KDM4B: variants seen among roughly 807,000 people sequenced by gnomAD.
KDM4B encodes lysine demethylase 4B, also known as lysine-specific demethylase 4B.
A neutral mutation model predicts 125.2 loss-of-function variants in KDM4B; 32 were observed. That is an observed-to-expected ratio of 0.26 (90% CI 0.19 to 0.34). KDM4B has a LOEUF of 0.34. KDM4B is among the 10% of genes least tolerant of loss of function. KDM4B has a pLI of 1.00. For missense variants in KDM4B, 1,190 were observed against 1,577.7 expected, an observed-to-expected ratio of 0.75 and a Z score of 4.16; for synonymous variants, 721 against 677.9, an observed-to-expected ratio of 1.06 and a Z score of -0.99.
intron 20 of KDM4B, 131 bp from the exon 21 acceptor site, chr19:5,144,652 G>T: frequency 7.4e-7 from 1 of 1,344,254 alleles, no homozygotes; most frequent in Non-Finnish European, 1.0e-6. Context: ...CCGCTACCCC[G>T]GGCCCCCGCA....
At chr19:5,033,178 C>G (rs1021524287) in intron 3 of KDM4B, 147 bp downstream of exon 3, 18 of 959,070 alleles carry the variant, frequency 1.9e-5, no homozygotes, top group Non-Finnish European at 2.6e-5. Context: ...CGTTTACCAG[C>G]GCCTGTTTGT....
At chr19:4,992,845 A>G (rs975948751) in intron 1 of KDM4B, among the ~76,000 whole-genome samples, 2 of 152,140 alleles carry the variant, frequency 1.3e-5, no homozygotes, top group African/African-American at 4.8e-5. Flanking sequence ...ATTATTTAGG[A>G]GTATGTTGGT....
chr19:5,004,866 C>A (rs933257797), intron 1 of KDM4B, among the ~76,000 whole-genome samples: 3 of 152,132 alleles, frequency 2.0e-5, no homozygotes, highest in Non-Finnish European at 4.4e-5. Context: ...ACCCCAGAGA[C>A]ATGCAAATAT....
chr19:5,037,512 C>T (rs2145645984), intron 3 of KDM4B, among the ~76,000 whole-genome samples: 1 of 152,346 alleles, frequency 6.6e-6, no homozygotes, highest in Middle Eastern at 3.4e-3. Context: ...ACAGGTGCCC[C>T]AGGCGCCTTT....
intron 9 of KDM4B, among the ~76,000 whole-genome samples, chr19:5,091,498 C>T (rs1340226083): frequency 6.6e-6 from 1 of 152,140 alleles, no homozygotes; most frequent in East Asian, 1.9e-4. Flanking sequence ...AAACGGCCCA[C>T]TCGGCACCAC....
chr19:5,146,125 G>A lies in KDM4B; in HGVS notation c.3021+1223G>A, dbSNP rs561716817. Among the ~76,000 whole-genome samples the A allele has an allele frequency of 4.0e-5, 5 of 125,476 alleles. No homozygotes were observed. The South Asian group carries it at 8.6e-4, about 22-fold the overall frequency. 82.3% of individuals were successfully genotyped at this position (125,476 alleles called of 152,430 possible). On this transcript the variant is annotated intron_variant, in intron 21 of 22. Coordinates refer to ENST00000159111, the MANE Select transcript of KDM4B (RefSeq NM_015015.3). Reference sequence around the variant, plus strand: ...ACCCCCACCCCCGGCCGTGCAGGCCGACCCCGCCCAGTCACCACTCTCAAC... The same window carrying A: ...ACCCCCACCCCCGGCCGTGCAGGCCAACCCCGCCCAGTCACCACTCTCAAC...
chr19:5,058,122 C>T (rs189999260), intron 6 of KDM4B, among the ~76,000 whole-genome samples: 1 of 152,358 alleles, frequency 6.6e-6, no homozygotes, highest in African/African-American at 2.4e-5. Flanking sequence ...ACCACATGTC[C>T]AGCTGGGAAG....
intron 6 of KDM4B, among the ~76,000 whole-genome samples, chr19:5,055,899 A>G (rs867193335): frequency 6.6e-6 from 1 of 152,110 alleles, no homozygotes; most frequent in Non-Finnish European, 1.5e-5. Flanking sequence ...TTCTATATCA[A>G]TGTGGTACAC....
intron 9 of KDM4B, among the ~76,000 whole-genome samples, chr19:5,103,830 C>T (rs1267762878): frequency 6.6e-6 from 1 of 152,258 alleles, no homozygotes; most frequent in Admixed American, 6.5e-5. Context: ...GCTCGCTCCA[C>T]ACCCTGTTCA....
chr19:5,131,337 T>TC lies in KDM4B; in HGVS notation c.1581dup (p.Met528HisfsTer25). ...CTAGAGGCCAAGCCTCGGCCCATCA[T>TC]CCCCATGCTGTACGTGGTGCCGCGG... is the stretch of plus-strand genomic sequence containing the variant. On this transcript the variant is annotated frameshift_variant, in exon 12 of 23. Coordinates refer to ENST00000159111, the MANE Select transcript of KDM4B (RefSeq NM_015015.3). LOFTEE classifies it high-confidence loss of function. 6.2e-7 allele frequency: 1 copy of TC among 1,611,778 alleles called. No homozygotes were observed. The highest frequency in any genetic ancestry group is 8.5e-7 in the Non-Finnish European group (1 of 1,179,742).
At chr19:5,116,535 C>T (rs1476348616) in intron 10 of KDM4B, among the ~76,000 whole-genome samples, 1 of 152,256 alleles carries the variant, frequency 6.6e-6, no homozygotes, top group African/African-American at 2.4e-5. Context: ...GTTGAGGAAA[C>T]AAGATCTAAC....
intron 4 of KDM4B, among the ~76,000 whole-genome samples, chr19:5,040,425 A>G (rs1426188217): frequency 1.3e-5 from 2 of 152,084 alleles, no homozygotes; most frequent in African/African-American, 4.8e-5. Context: ...ATGGGTACAC[A>G]GGGCACACGC....
At chr19:5,099,090 G>A (rs540235538) in intron 9 of KDM4B, among the ~76,000 whole-genome samples, 1 of 152,194 alleles carries the variant, frequency 6.6e-6, no homozygotes, top group Non-Finnish European at 1.5e-5. Context: ...ACAACCTCCG[G>A]TTCCAGTAGT....
intron 9 of KDM4B, among the ~76,000 whole-genome samples, chr19:5,092,949 C>G (rs1460797070): frequency 6.6e-6 from 1 of 152,220 alleles, no homozygotes; most frequent in African/African-American, 2.4e-5. Flanking sequence ...GTACCCCTGA[C>G]CACATGTCCT....
chr19:5,058,946 T>C (rs1303587753), intron 6 of KDM4B, among the ~76,000 whole-genome samples: 2 of 152,228 alleles, frequency 1.3e-5, no homozygotes, highest in African/African-American at 4.8e-5. Context: ...ATGTCATCAC[T>C]GGGCGTGAAT....
intron 3 of KDM4B, among the ~76,000 whole-genome samples, chr19:5,036,666 A>G (rs964570714): frequency 1.3e-5 from 2 of 152,200 alleles, no homozygotes; most frequent in Non-Finnish European, 2.9e-5. Context: ...CTGGCCCCCC[A>G]GGAGCCCCGT....
intron 16 of KDM4B, 50 bp downstream of exon 16, chr19:5,137,388 G>C: frequency 6.6e-7 from 1 of 1,503,928 alleles, no homozygotes; most frequent in Non-Finnish European, 9.0e-7. Context: ...CCTGGGCCCC[G>C]GCCCCACTCC....
intron 11 of KDM4B, among the ~76,000 whole-genome samples, 156 bp from the exon 12 acceptor site, chr19:5,130,920 G>T (rs575750469): frequency 6.6e-6 from 1 of 152,252 alleles, no homozygotes; most frequent in African/African-American, 2.4e-5. Flanking sequence ...GAGGTGGCCC[G>T]AAGCCTGTGT....
chr19:5,119,310 G>T, intron 10 of KDM4B: 1 of 930,130 alleles, frequency 1.1e-6, no homozygotes, highest in South Asian at 1.5e-5. Context: ...TCTCTGTCCC[G>T]TGGCACACGC....
Sources: allele counts gnomAD v4.1 joint callset (sites outside exome capture counted in the v4.1 genomes callset), GRCh38; gene constraint gnomAD v4.1.1; transcripts MANE v1.5; gene names NCBI Gene and HGNC (gene_info 2026-07-23, HGNC 2026-07-21).